LPXN: variants seen among roughly 807,000 people sequenced by gnomAD.
The protein encoded by LPXN is leupaxin.
Under a neutral mutation model 45.6 loss-of-function variants are expected in LPXN, and 28 were observed. The observed-to-expected ratio is 0.61, with a 90% confidence interval of 0.45 to 0.84. LPXN has a LOEUF of 0.84. Ranked by LOEUF, LPXN falls within the 40% of genes least tolerant of loss-of-function variation. LPXN has a pLI of 0.00. For synonymous variants in LPXN, 166 were observed against 169.9 expected (o/e 0.98, Z 0.18); for missense variants, 459 against 475.0 (o/e 0.97, Z 0.31).
At chr11:58,564,993 C>A (rs1854486156) in intron 2 of LPXN, among the ~76,000 whole-genome samples, 1 of 152,112 alleles carries the variant, frequency 6.6e-6, no homozygotes, top group African/African-American at 2.4e-5. Flanking sequence ...AGAGTGTGGC[C>A]TGAGCAGAGT....
At chr11:58,572,489 A>G (rs1854736803) in intron 1 of LPXN, among the ~76,000 whole-genome samples, 1 of 152,156 alleles carries the variant, frequency 6.6e-6, no homozygotes, top group South Asian at 2.1e-4. Flanking sequence ...TCAGTGTATG[A>G]ACTTTATTTG....
chr11:58,550,184 T>C, intron 5 of LPXN, 38 bp from the exon 6 acceptor site: 1 of 1,597,960 alleles, frequency 6.3e-7, no homozygotes, highest in Non-Finnish European at 8.6e-7. Context: ...GGAGGCCAGT[T>C]GAGTGCTCTA....
intron 3 of LPXN, among the ~76,000 whole-genome samples, chr11:58,556,372 T>A (rs145938141): frequency 6.6e-6 from 1 of 152,054 alleles, no homozygotes; most frequent in East Asian, 1.9e-4. Context: ...TAAGAAAAAG[T>A]CTATAAACTG....
At chr11:58,531,293 G>A (rs1853379673) in intron 7 of LPXN, among the ~76,000 whole-genome samples, 1 of 152,028 alleles carries the variant, frequency 6.6e-6, no homozygotes, top group Non-Finnish European at 1.5e-5. Context: ...CCAATGCAAG[G>A]AAGCTAAGAA....
intron 7 of LPXN, among the ~76,000 whole-genome samples, chr11:58,544,554 G>A (rs1367476912): frequency 6.6e-6 from 1 of 152,156 alleles, no homozygotes; most frequent in African/African-American, 2.4e-5. Context: ...GGGAGTAACA[G>A]CCTCTGTTTC....
intron 1 of LPXN, 96 bp downstream of exon 1, chr11:58,575,664 C>T (rs1854862869): frequency 1.4e-5 from 19 of 1,342,416 alleles, no homozygotes; most frequent in Non-Finnish European, 1.9e-5. Flanking sequence ...TCTTCCATTA[C>T]TACCCTCAGT....
intron 7 of LPXN, among the ~76,000 whole-genome samples, chr11:58,534,392 A>G (rs1853485932): frequency 6.6e-6 from 1 of 152,220 alleles, no homozygotes; most frequent in African/African-American, 2.4e-5. Context: ...GCACAACTAC[A>G]TGGAAACTGA....
chr11:58,572,276 A>G (rs780956359), intron 1 of LPXN, among the ~76,000 whole-genome samples: 4 of 152,150 alleles, frequency 2.6e-5, no homozygotes, highest in Non-Finnish European at 5.9e-5. Flanking sequence ...TGGCGTTAGA[A>G]GAGATCTAAT....
intron 7 of LPXN, among the ~76,000 whole-genome samples, chr11:58,542,816 T>C (rs140764002): frequency 6.6e-6 from 1 of 152,202 alleles, no homozygotes; most frequent in African/African-American, 2.4e-5. Flanking sequence ...TGTGCACACA[T>C]ACATGAATAA....
At chr11:58,569,283 C>T (rs1854610519) in intron 2 of LPXN, among the ~76,000 whole-genome samples, 3 of 152,102 alleles carry the variant, frequency 2.0e-5, no homozygotes, top group South Asian at 4.1e-4. Context: ...TTATAATGTA[C>T]GTCCATATAG....
Position 58,527,541 on chromosome 11 carries a change from G to C in LPXN, c.1074C>G (p.Cys358Trp). 6.2e-7 allele frequency: 1 copy of C among 1,614,142 alleles called. No homozygotes were observed. The highest frequency in any genetic ancestry group is 8.5e-7 in the Non-Finnish European group (1 of 1,180,018). ...AAATGCCCTTCGACAACTGTGTCAG[G>C]CAGAAAGCACACACAAAGTGCTCAG... ...FHPEHFVCAF[C>W]LTQLSKGIFR... The change falls in exon 9 of 9, where the codon TGC (cysteine) becomes TGG (tryptophan). Residue 358 changes from cysteine to tryptophan, a missense_variant. Transcript: ENST00000395074.
intron 7 of LPXN, among the ~76,000 whole-genome samples, chr11:58,548,651 C>T (rs932139023): frequency 6.6e-6 from 1 of 152,142 alleles, no homozygotes; most frequent in Non-Finnish European, 1.5e-5. Flanking sequence ...CACTACTATA[C>T]CTCCATGTGC....
chr11:58,558,297 G>A (rs1288146918), intron 3 of LPXN, among the ~76,000 whole-genome samples: 1 of 151,952 alleles, frequency 6.6e-6, no homozygotes, highest in African/African-American at 2.4e-5. Flanking sequence ...GATCCCTTTG[G>A]GAAGCTGAGG....
Position 58,527,579 on chromosome 11 carries a change from A to G in LPXN, c.1036T>C (p.Tyr346His), listed in dbSNP as rs1590745466. The change falls in exon 9 of 9, where the codon TAC (tyrosine) becomes CAC (histidine). Residue 346 changes from tyrosine to histidine, a missense_variant. Physicochemically the swap from Tyr to His is moderately conservative, Grantham distance 83 (BLOSUM62 2). Transcript: ENST00000395074. The stretch of plus-strand genomic sequence containing the variant: ...ACAAAGTGCTCAGGATGGAACTTGT[A>G]CCCCATGGCACTGATACAACGGCCA... ...ITGRCISAMG[Y>H]KFHPEHFVCA... 1.2e-6 allele frequency: 2 copies of G among 1,614,176 alleles called. No individual in the cohort carries two copies. Among genetic ancestry groups the G allele is most frequent in the Non-Finnish European group, 1.7e-6 (2 of 1,180,032 alleles).
At chr11:58,554,806 C>T (rs981639209) in intron 4 of LPXN, 35 bp downstream of exon 4, 1 of 1,546,422 alleles carries the variant, frequency 6.5e-7, no homozygotes, top group African/African-American at 1.4e-5. Flanking sequence ...GGACTGCACT[C>T]ACCTTGGCCT....
chr11:58,567,237 A>C (rs149926854), intron 2 of LPXN, among the ~76,000 whole-genome samples: 9 of 152,332 alleles, frequency 5.9e-5, no homozygotes, highest in South Asian at 2.1e-4. Flanking sequence ...TACAACAAAA[A>C]CAACAGTTTA....
At chr11:58,563,831 C>T (rs889579873) in intron 3 of LPXN, among the ~76,000 whole-genome samples, 1 of 152,200 alleles carries the variant, frequency 6.6e-6, no homozygotes, top group African/African-American at 2.4e-5. Flanking sequence ...TGTGTTTTAT[C>T]TTTCAGGAAA....
At chr11:58,536,295 C>T (rs1853550951) in intron 7 of LPXN, among the ~76,000 whole-genome samples, 1 of 152,208 alleles carries the variant, frequency 6.6e-6, no homozygotes, top group African/African-American at 2.4e-5. Flanking sequence ...CAGCATGGTA[C>T]TGGTACCAAA....
intron 3 of LPXN, among the ~76,000 whole-genome samples, chr11:58,561,526 G>A (rs1270943596): frequency 6.6e-6 from 1 of 152,194 alleles, no homozygotes; most frequent in Non-Finnish European, 1.5e-5. Flanking sequence ...ATGTTTCCCA[G>A]AAGGTACACT....
Sources: gnomAD v4.1 joint callset for allele counts (sites outside exome capture counted in the v4.1 genomes callset) on GRCh38, gnomAD v4.1.1 for gene constraint, MANE v1.5 for transcripts, NCBI Gene and HGNC (gene_info 2026-07-23, HGNC 2026-07-21) for gene names.